The following LATS2 variants were observed in gnomAD, a reference collection of about 807,000 sequenced individuals.
LATS2 encodes serine/threonine-protein kinase LATS2.
LATS2 carries 24 observed loss-of-function variants against 76.0 expected under a neutral mutation model. The ratio of observed to expected loss-of-function variants is 0.32; its 90% CI spans 0.23 to 0.44. The LOEUF is 0.44. LATS2 is among the 20% of genes least tolerant of loss of function. LATS2 has a pLI of 1.00. For missense variants in LATS2, 1,286 were observed against 1,481.2 expected, an observed-to-expected ratio of 0.87 and a Z score of 2.16; for synonymous variants, 692 against 635.4, an observed-to-expected ratio of 1.09 and a Z score of -1.34.
Position 21,045,837 on chromosome 13 carries a change from T to G in LATS2, c.190A>C (p.Met64Leu), listed in dbSNP as rs1449765715. The G allele has an allele frequency of 6.2e-7, 1 of 1,614,102 alleles. No homozygotes were observed. Among genetic ancestry groups the G allele is most frequent in the Non-Finnish European group, 8.5e-7 (1 of 1,180,038 alleles). Reference sequence around the variant, plus strand: ...GGTCCGAACTTTGGGGTGGCTCTCATCTGCTGCTGCTGCCTGGTGGCATCT... The same window carrying G: ...GGTCCGAACTTTGGGGTGGCTCTCAGCTGCTGCTGCTGCCTGGTGGCATCT... ...SKDATRQQQQ[M>L]RATPKFGPYQ... Residue 64 changes from methionine (M) to leucine (L), a missense_variant, in exon 2 of 8, where the codon ATG (methionine) becomes CTG (leucine). Around this residue, in one of 5 missense-constraint regions of LATS2, gnomAD observed 101 missense variants for 141.4 expected, o/e 0.71. Transcript: ENST00000382592.
At chr13:21,042,973 G>A (rs112991009) in intron 2 of LATS2, among the ~76,000 whole-genome samples, 8,787 of 145,368 alleles carry the variant, frequency 0.06, 439 homozygotes, top group Non-Finnish European at 0.086. Context: ...CACAGAGCGA[G>A]ACTCCGTCTC....
At chr13:21,007,630 A>ATATATATAGTGTG (rs1565952088) in intron 2 of LATS2, among the ~76,000 whole-genome samples, 1 of 620 alleles carries the variant, frequency 1.6e-3, no homozygotes, top group African/African-American at 2.0e-3. Context: ...TAGTGTATAT[A>ATATATATAGTGTG]TATATATATA....
At chr13:20,995,719 C>T (rs889662684) in intron 2 of LATS2, among the ~76,000 whole-genome samples, 2 of 152,048 alleles carry the variant, frequency 1.3e-5, no homozygotes, top group African/African-American at 4.8e-5. Flanking sequence ...AAGGGAATTT[C>T]AAATCAACAT....
chr13:20,988,439 C>G lies in LATS2; in HGVS notation c.1341G>C (p.Val447=), dbSNP rs1435996842. Residue 447 remains valine (V), a synonymous_variant, in exon 4 of 8, where the codon GTG becomes GTC. Transcript: ENST00000382592. ...TCTGCGGCTCCGGCCTCAGCACACG[C>G]ACGCTCTTCACCGGGTGCAAGATGT... The part of the protein sequence containing the change: ...AAHILHPVKS[V]RVLRPEPQTA... 1.3e-6 allele frequency: 2 copies of G among 1,509,408 alleles called. No homozygotes were observed. Among genetic ancestry groups the G allele is most frequent in the East Asian group, 2.6e-5 (1 of 39,098 alleles). The allele number at this position is 1,509,408 out of a possible 1,614,324, so 93.5% of individuals were successfully genotyped here. A position where few individuals can be genotyped will look rare whatever the true frequency, so the allele number is the denominator to read the frequency against.
chr13:21,040,157 C>G (rs1408063073), intron 2 of LATS2, among the ~76,000 whole-genome samples: 1 of 151,776 alleles, frequency 6.6e-6, no homozygotes, highest in Non-Finnish European at 1.5e-5. Context: ...GAGGCTGAGG[C>G]AGGCGTATCG....
intron 1 of LATS2, among the ~76,000 whole-genome samples, chr13:21,052,017 G>T (rs985825293): frequency 2.0e-5 from 3 of 152,126 alleles, no homozygotes; most frequent in African/African-American, 7.2e-5. Context: ...GTGGCTGGAG[G>T]TGGGAGGCCT....
Position 20,988,289 on chromosome 13 carries a change from T to C in LATS2, c.1491A>G (p.Ala497=). ...ACTCCACGTCCAGCGGGAAGGCGCC[T>C]GCGCCGCCCAGCGCCAGGGCATGCT... ...KEEHALALGG[A]GAFPLDVEYG... Residue 497 remains alanine, a synonymous_variant, in exon 4 of 8, where the codon GCA becomes GCG. Coordinates refer to ENST00000382592, the MANE Select transcript of LATS2 (RefSeq NM_014572.3). 6.3e-7 allele frequency: 1 copy of C among 1,579,780 alleles called. No individual in the cohort carries two copies.
At chr13:21,027,933 T>TTTA (rs922150241) in intron 2 of LATS2, among the ~76,000 whole-genome samples, 3 of 152,048 alleles carry the variant, frequency 2.0e-5, no homozygotes, top group Non-Finnish European at 4.4e-5. Flanking sequence ...TTTTTTATTT[T>TTTA]TTATTATTAT....
At chr13:21,029,621 T>C (rs910093361) in intron 2 of LATS2, among the ~76,000 whole-genome samples, 8 of 151,732 alleles carry the variant, frequency 5.3e-5, no homozygotes, top group South Asian at 2.1e-4. Flanking sequence ...TGAAACCCCA[T>C]TGCTACTAAA....
At chr13:21,048,543 ACTCAAGG>A (rs1174725531) in intron 1 of LATS2, among the ~76,000 whole-genome samples, 1 of 151,998 alleles carries the variant, frequency 6.6e-6, no homozygotes. Context: ...TTAAATACCT[ACTCAAGG>A]CTGGACGTGG....
intron 6 of LATS2, among the ~76,000 whole-genome samples, chr13:20,980,954 A>T (rs2138269584): frequency 6.6e-6 from 1 of 152,360 alleles, no homozygotes; most frequent in Admixed American, 6.5e-5. Flanking sequence ...GGCAAATGTT[A>T]TGAGCACTAG....
Position 20,988,335 on chromosome 13 carries a change from T to A in LATS2, c.1445A>T (p.Glu482Val), listed in dbSNP as rs1190343112. 2 of 1,117,930 alleles carry A rather than the reference T, an allele frequency of 1.8e-6. No individual in the cohort carries two copies. The allele number at this position is 1,117,930 out of a possible 1,614,324, so 69.3% of individuals were successfully genotyped here. A position where few individuals can be genotyped will look rare whatever the true frequency, so the allele number is the denominator to read the frequency against. The change falls in exon 4 of 8, where the codon GAG (glutamate) becomes GTG (valine). Residue 482 changes from glutamate to valine, a missense_variant. Glu to Val is a moderately radical substitution (Grantham distance 121). Transcript: ENST00000382592. ...ATGCTCCTCCTTGGCGTCCAAGCCC[T>A]CCGCAGCCGGGGCGGGGGCGGGGGC... The part of the protein sequence containing the change: ...APAPAPAPAA[E>V]GLDAKEEHAL...
intron 2 of LATS2, among the ~76,000 whole-genome samples, chr13:21,034,646 C>T (rs2138385139): frequency 6.6e-6 from 1 of 152,258 alleles, no homozygotes; most frequent in South Asian, 2.1e-4. Flanking sequence ...CTTACTCTGC[C>T]TCTGGGGGTT....
At chr13:20,978,625 T>C (rs2138265041) in intron 7 of LATS2, among the ~76,000 whole-genome samples, 1 of 152,298 alleles carries the variant, frequency 6.6e-6, no homozygotes, top group Middle Eastern at 3.4e-3. Context: ...TAGCATTTTC[T>C]TCCACCTTTG....
At chr13:20,989,962 C>T (rs1473262741) in intron 3 of LATS2, among the ~76,000 whole-genome samples, 1 of 152,214 alleles carries the variant, frequency 6.6e-6, no homozygotes, top group Non-Finnish European at 1.5e-5. Flanking sequence ...GAAACAGACA[C>T]CGGAAGGAAG....
intron 2 of LATS2, among the ~76,000 whole-genome samples, chr13:21,044,701 TG>T (rs1302602625): frequency 4.0e-5 from 4 of 99,874 alleles, no homozygotes; most frequent in Non-Finnish European, 8.6e-5. Context: ...TGTGTGTGTG[TG>T]TGTGTGTGTG....
chr13:20,980,173 G>C (rs539684280), intron 6 of LATS2, among the ~76,000 whole-genome samples: 7 of 152,330 alleles, frequency 4.6e-5, no homozygotes, highest in Admixed American at 3.3e-4. Context: ...TGAATAGTCA[G>C]GTGAGGGTCA....
At chr13:21,028,110 T>C (rs1033259683) in intron 2 of LATS2, among the ~76,000 whole-genome samples, 2 of 152,086 alleles carry the variant, frequency 1.3e-5, no homozygotes, top group Non-Finnish European at 2.9e-5. Context: ...CCCCAGAGTG[T>C]GATGTTCTCC....
intron 2 of LATS2, among the ~76,000 whole-genome samples, chr13:21,022,577 T>C (rs1158827465): frequency 3.3e-5 from 5 of 152,182 alleles, no homozygotes; most frequent in Admixed American, 3.3e-4. Flanking sequence ...TCAAAATGTT[T>C]GAAAAGATCA....
Sources: gnomAD v4.1 joint callset for allele counts (sites outside exome capture counted in the v4.1 genomes callset) on GRCh38, gnomAD v4.1.1 for gene constraint, gnomAD v4.1.1 regional missense constraint, MANE v1.5 for transcripts, NCBI Gene and HGNC (gene_info 2026-07-23, HGNC 2026-07-21) for gene names.